Variants in FGF18 observed in about 807,000 individuals in gnomAD.
The protein encoded by FGF18 is fibroblast growth factor 18.
Under a neutral mutation model 23.0 loss-of-function variants are expected in FGF18, and 5 were observed. The ratio of observed to expected loss-of-function variants is 0.22; its 90% CI spans 0.11 to 0.46. The LOEUF (loss-of-function observed/expected upper bound fraction) is 0.46. FGF18 is among the 20% of genes least tolerant of loss of function. FGF18 has a pLI of 0.99. For missense variants in FGF18, 180 were observed against 291.6 expected (o/e 0.62, Z 2.79); for synonymous variants, 117 against 118.9 (o/e 0.98, Z 0.10).
intron 2 of FGF18, among the ~76,000 whole-genome samples, chr5:171,430,668 G>A (rs1228550704): frequency 6.8e-6 from 1 of 147,256 alleles, no homozygotes; most frequent in Non-Finnish European, 1.5e-5. Context: ...GGCGCCTGTA[G>A]TCCCAGCTAC....
intron 2 of FGF18, among the ~76,000 whole-genome samples, chr5:171,427,621 A>G (rs557330471): frequency 6.6e-6 from 1 of 152,330 alleles, no homozygotes; most frequent in South Asian, 2.1e-4. Flanking sequence ...ATGACTAGCT[A>G]TGTAGTAGGC....
chr5:171,456,598 G>A lies in FGF18; in HGVS notation c.417G>A (p.Thr139=), dbSNP rs372439493. 12 of 1,613,986 alleles carry A rather than the reference G, an allele frequency of 7.4e-6. No individual in the cohort carries two copies. The Admixed American group carries it at 1.2e-4, about 16-fold the overall frequency. The change falls in exon 5 of 5, where the codon ACG becomes ACA. Residue 139 remains threonine, a synonymous_variant. Coordinates refer to ENST00000274625, the MANE Select transcript of FGF18 (RefSeq NM_003862.3). This position sits in a 1 kb window ranked among gnomAD's most constrained non-coding sequence, Gnocchi z 6.1. Reference sequence around the variant, plus strand: ...AGAAGGTTCTGGAGAACAACTACACGGCCCTGATGTCGGCTAAGTACTCCG... The same window carrying A: ...AGAAGGTTCTGGAGAACAACTACACAGCCCTGATGTCGGCTAAGTACTCCG... The part of the protein sequence containing the change: ...FIEKVLENNY[T]ALMSAKYSGW...
chr5:171,455,708 A>G lies in FGF18; in HGVS notation c.358-831A>G, dbSNP rs370981267. Among the ~76,000 whole-genome samples the G allele has an allele frequency of 9.5e-4, 144 of 152,254 alleles. 1 individual carries two copies. Among genetic ancestry groups the G allele is most frequent in the African/African-American group, 3.3e-3 (136 of 41,542 alleles). ...TTACAAACTCCTCTGGTTTAAATCC[A>G]CCTATGTTTGGGGTTGCCTAGAAAA... On this transcript the variant is annotated intron_variant, in intron 4 of 4. Transcript: ENST00000274625.
At chr5:171,425,529 C>CTTTT (rs77671680) in intron 2 of FGF18, among the ~76,000 whole-genome samples, 3 of 106,204 alleles carry the variant, frequency 2.8e-5, no homozygotes, top group Admixed American at 1.1e-4. Context: ...CCGCCATGTG[C>CTTTT]TTTTTTTTTT....
intron 4 of FGF18, among the ~76,000 whole-genome samples, chr5:171,455,318 C>T (rs1245591707): frequency 6.6e-6 from 1 of 152,156 alleles, no homozygotes; most frequent in East Asian, 1.9e-4. Flanking sequence ...TTTCTTCATA[C>T]CAAGTATTAA....
In FGF18 at chr5:171,449,172, C is replaced by A. The variant is rs1178592684; in HGVS notation, c.276C>A (p.Thr92=). 6.2e-7 allele frequency: 1 copy of A among 1,613,914 alleles called. No homozygotes were observed. The highest frequency in any genetic ancestry group is 1.3e-5 in the African/African-American group (1 of 74,900). ...CCCAGCTCCTAGTGGAGACAGACAC[C>A]TTCGGTAGTCAAGTCCGGATCAAGG... is the stretch of plus-strand genomic sequence containing the variant. ...KYAQLLVETD[T]FGSQVRIKGK... The change falls in exon 4 of 5, where the codon ACC becomes ACA. Residue 92 remains threonine, a synonymous_variant. Coordinates refer to ENST00000274625, the MANE Select transcript of FGF18 (RefSeq NM_003862.3).
intron 4 of FGF18, among the ~76,000 whole-genome samples, chr5:171,453,224 T>TCAAGC (rs1772540362): frequency 6.6e-6 from 1 of 152,158 alleles, no homozygotes; most frequent in South Asian, 2.1e-4. Flanking sequence ...GAGGCAAGCG[T>TCAAGC]CAAGCCCGGA....
At chr5:171,430,959 A>T (rs558819091) in intron 2 of FGF18, among the ~76,000 whole-genome samples, 1 of 152,302 alleles carries the variant, frequency 6.6e-6, no homozygotes, top group East Asian at 1.9e-4. Flanking sequence ...GTGACAGCTA[A>T]GGTCAGCCAG....
chr5:171,423,220 C>A (rs1037310980), intron 2 of FGF18, among the ~76,000 whole-genome samples: 2 of 152,244 alleles, frequency 1.3e-5, no homozygotes, highest in African/African-American at 4.8e-5. Context: ...GCTGGCCACC[C>A]TGGGAAGTGG....
intron 3 of FGF18, among the ~76,000 whole-genome samples, chr5:171,439,835 C>T (rs1157631407): frequency 1.3e-5 from 2 of 151,984 alleles, no homozygotes; most frequent in Non-Finnish European, 2.9e-5. Flanking sequence ...TTTAGGAAAC[C>T]TTATGATTGG....
rs80325980 is a variant in FGF18, at chr5:171,457,158, G to GAAAAAAAA, written c.*360_*367dup. 1 of 90,630 alleles carries GAAAAAAAA rather than the reference G, an allele frequency of 1.1e-5. No individual in the cohort carries two copies. Among genetic ancestry groups the GAAAAAAAA allele is most frequent in the Non-Finnish European group, 2.3e-5 (1 of 43,076 alleles). 5.6% of individuals were successfully genotyped at this position (90,630 alleles called of 1,614,324 possible). A position where few individuals can be genotyped will look rare whatever the true frequency, so the allele number is the denominator to read the frequency against. On this transcript the variant is annotated 3_prime_UTR_variant, in exon 5 of 5. Coordinates refer to ENST00000274625, the MANE Select transcript of FGF18 (RefSeq NM_003862.3). ...TCCTTTTTCCCAAAGGTTCTGAAAG[G>GAAAAAAAA]AAAAAAAAAAAAAACAAAAAAAAAG...
At chr5:171,427,782 T>C (rs1772118373) in intron 2 of FGF18, among the ~76,000 whole-genome samples, 1 of 152,244 alleles carries the variant, frequency 6.6e-6, no homozygotes, top group South Asian at 2.1e-4. Flanking sequence ...TGGCACGTAC[T>C]TCGAGAAGCT....
chr5:171,431,219 C>T (rs1344300188), intron 2 of FGF18, among the ~76,000 whole-genome samples: 1 of 152,150 alleles, frequency 6.6e-6, no homozygotes, highest in East Asian at 1.9e-4. Context: ...GCTGGGGGCT[C>T]ACCTCAACCT....
At position 171,436,159 on chromosome 5, in the gene FGF18, G is replaced by A. The variant is rs764018910; in HGVS notation, c.136G>A (p.Asp46Asn). Residue 46 changes from aspartate (D) to asparagine (N), a missense_variant, in exon 3 of 5, where the codon GAT becomes AAT. By Grantham distance (23) the Asp-to-Asn change is conservative. This residue lies in a region of FGF18 where 83 missense variants were observed against 190.4 expected (regional missense o/e 0.44). Coordinates refer to ENST00000274625, the MANE Select transcript of FGF18 (RefSeq NM_003862.3). This position sits in a 1 kb window ranked among gnomAD's most constrained non-coding sequence, Gnocchi z 4.4. ...HVENQTRARDDVSRKQLRLYQ... is the reference protein window; with the variant it reads ...HVENQTRARDNVSRKQLRLYQ... ...GGAGAACCAGACGCGGGCTCGGGAC[G>A]ATGTGAGCCGTAAGCAGCTGCGGCT... The A allele has an allele frequency of 1.0e-5, 16 of 1,604,208 alleles. No homozygotes were observed. Among genetic ancestry groups the A allele is most frequent in the East Asian group, 2.3e-5 (1 of 43,960 alleles).
At position 171,449,125 on chromosome 5, in the gene FGF18, G is replaced by A. The variant is rs745570086; in HGVS notation, c.251-22G>A. The A allele has an allele frequency of 7.3e-5, 114 of 1,563,288 alleles. 1 individual carries two copies. Among genetic ancestry groups the A allele is most frequent in the Middle Eastern group, 6.7e-4 (4 of 5,970 alleles). ...TGCCCCTGGTAATAAAATGTGTCTT[G>A]TTCTCCTTCTGCCTTTCGAAGCCCA... On this transcript the variant is annotated intron_variant, in intron 3 of 4. Transcript: ENST00000274625.
chr5:171,420,434 C>T lies in FGF18; in HGVS notation c.60C>T (p.Phe20=). Residue 20 remains phenylalanine, a synonymous_variant, in exon 2 of 5, where the codon TTC becomes TTT. Transcript: ENST00000274625. ...CLCLHFLLLC[F]QVQVLVAEEN... is the part of the protein sequence containing the mutation. ...GTTTACACTTCCTGCTGCTGTGCTT[C>T]CAGGTACAGGTACGTGGGCTCCTGA... 1 of 1,613,722 alleles carries T rather than the reference C, an allele frequency of 6.2e-7. No homozygotes were observed. The highest frequency in any genetic ancestry group is 8.5e-7 in the Non-Finnish European group (1 of 1,179,866).
intron 3 of FGF18, among the ~76,000 whole-genome samples, chr5:171,448,559 G>A (rs1365948215): frequency 6.6e-6 from 1 of 152,068 alleles, no homozygotes; most frequent in Non-Finnish European, 1.5e-5. Context: ...TGTCCCCTTG[G>A]TCCCCTTAGC....
Position 171,434,960 on chromosome 5 carries a change from T to G in FGF18, c.70-1133T>G, listed in dbSNP as rs28564024. 0.026 allele frequency among the ~76,000 whole-genome samples: 3,900 copies of G among 152,108 alleles called. 161 individuals carry two copies. Among genetic ancestry groups the G allele is most frequent in the African/African-American group, 0.089 (3,675 of 41,484 alleles). ...CAGAAAGGGGTCCAGGAAGGCCTGCTTGAGGAGGTGACATTTGAGCAGAGA... is the reference window on the plus strand; with the variant it reads ...CAGAAAGGGGTCCAGGAAGGCCTGCGTGAGGAGGTGACATTTGAGCAGAGA... On this transcript the variant is annotated intron_variant, in intron 2 of 4. Coordinates refer to ENST00000274625, the MANE Select transcript of FGF18 (RefSeq NM_003862.3). The surrounding 1 kb of genome is among the most constrained non-coding windows in gnomAD (Gnocchi z 4.6).
At position 171,436,372 on chromosome 5, in the gene FGF18, C is replaced by A; in HGVS notation, c.250+99C>A. 1 of 1,033,562 alleles carries A rather than the reference C, an allele frequency of 9.7e-7. No homozygotes were observed. Among genetic ancestry groups the A allele is most frequent in the Non-Finnish European group, 1.3e-6 (1 of 757,548 alleles). 64.0% of individuals were successfully genotyped at this position (1,033,562 alleles called of 1,614,324 possible). A position where few individuals can be genotyped will look rare whatever the true frequency, so the allele number is the denominator to read the frequency against. ...CAAATGCCAGCCTTGCTGCTCCTGGCTGTGTGATCTTGGACCTGGCACTGA... is the reference window on the plus strand; with the variant it reads ...CAAATGCCAGCCTTGCTGCTCCTGGATGTGTGATCTTGGACCTGGCACTGA... On this transcript the variant is annotated intron_variant, in intron 3 of 4. Transcript: ENST00000274625. This position sits in a 1 kb window ranked among gnomAD's most constrained non-coding sequence, Gnocchi z 4.4.
Sources: allele counts gnomAD v4.1 joint callset (sites outside exome capture counted in the v4.1 genomes callset), GRCh38; gene constraint gnomAD v4.1.1; regional missense constraint gnomAD v4.1.1; non-coding constraint Gnocchi (gnomAD v3.1); transcripts MANE v1.5; gene names NCBI Gene and HGNC (gene_info 2026-07-23, HGNC 2026-07-21).